Variants in MGAM observed in about 807,000 individuals in gnomAD.
MGAM encodes the protein alpha-1,4-glucosidase.
MGAM carries 253 observed loss-of-function variants against 358.8 expected under a neutral mutation model. That is an observed-to-expected ratio of 0.71 (90% CI 0.64 to 0.78). The LOEUF is 0.78. MGAM is among the 30% of genes least tolerant of loss of function. MGAM has a pLI of 0.00. For missense variants in MGAM, 3,080 were observed against 3,432.6 expected, an observed-to-expected ratio of 0.90 and a Z score of 2.57; for synonymous variants, 1,105 against 1,227.1, an observed-to-expected ratio of 0.90 and a Z score of 2.08.
At chr7:142,057,790 C>T (rs114559395) in intron 30 of MGAM, among the ~76,000 whole-genome samples, 1,543 of 152,158 alleles carry the variant, frequency 0.01, 21 homozygotes, top group African/African-American at 0.035. Context: ...CTCATTCATG[C>T]ATCACAGAAA....
chr7:142,035,777 G>A (rs933151340), intron 16 of MGAM, among the ~76,000 whole-genome samples: 2 of 152,126 alleles, frequency 1.3e-5, no homozygotes, highest in South Asian at 4.1e-4. Flanking sequence ...TAATAGGTGA[G>A]TGACATGGTC....
intron 24 of MGAM, 88 bp from the exon 25 acceptor site, chr7:142,052,206 A>ATTTTTTTT: frequency 9.6e-7 from 1 of 1,042,744 alleles, no homozygotes; most frequent in Non-Finnish European, 1.3e-6. Context: ...TCTAATTTCT[A>ATTTTTTTT]TTTTTTTTTT....
chr7:142,062,770 C>T, intron 35 of MGAM, 68 bp downstream of exon 35: 3 of 1,587,232 alleles, frequency 1.9e-6, no homozygotes, highest in South Asian at 2.3e-5. Context: ...GTATATGTAC[C>T]ACTGACCTTC....
chr7:142,040,717 A>G lies in MGAM; in HGVS notation c.2374-5A>G, dbSNP rs1164308044. 5 of 1,613,030 alleles carry G rather than the reference A, an allele frequency of 3.1e-6. No homozygotes were observed. Among genetic ancestry groups the G allele is most frequent in the Non-Finnish European group, 4.2e-6 (5 of 1,179,426 alleles). On this transcript the variant is annotated splice_region_variant and splice_polypyrimidine_tract_variant and intron_variant, in intron 20 of 70. Transcript: ENST00000475668. ...CAATGTGTTTGATTTATCTGCATGC[A>G]TCAGGGGAGCCAAGTGAGATGGAGG...
At position 142,036,214 on chromosome 7, in the gene MGAM, C is replaced by A; in HGVS notation, c.2005C>A (p.Leu669Ile). The A allele has an allele frequency of 6.2e-7, 1 of 1,612,482 alleles. No individual in the cohort carries two copies. The change falls in exon 17 of 71, where the codon CTC becomes ATC. Residue 669 changes from leucine to isoleucine, a missense_variant. Physicochemically the swap from Leu to Ile is conservative, Grantham distance 5. Around this residue, in one of 5 missense-constraint regions of MGAM, gnomAD observed 1,816 missense variants for 1,840.5 expected, o/e 0.99. Coordinates refer to ENST00000475668, the MANE Select transcript of MGAM (RefSeq NM_001365693.1). ...CTTTGCTTTGGACACCCCTGAGGAGCTCTGTAGGCGGTGGATGCAGTTGGG... is the reference window on the plus strand; with the variant it reads ...CTTTGCTTTGGACACCCCTGAGGAGATCTGTAGGCGGTGGATGCAGTTGGG... Reference protein sequence around the residue: ...CGFALDTPEELCRRWMQLGAF... With the variant: ...CGFALDTPEEICRRWMQLGAF...
chr7:142,061,940 T>A (rs1026973582), intron 34 of MGAM, among the ~76,000 whole-genome samples: 1 of 152,180 alleles, frequency 6.6e-6, no homozygotes, highest in Admixed American at 6.5e-5. Flanking sequence ...TCTTGAATCT[T>A]TCTTTCAGGT....
rs182021288 is a variant in MGAM at position 142,092,700 on chromosome 7, C to G, written c.7033+92C>G. The G allele has an allele frequency of 1.0e-4, 117 of 1,151,886 alleles. 12 individuals carry two copies. Among genetic ancestry groups the G allele is most frequent in the Middle Eastern group, 4.2e-4 (2 of 4,782 alleles). The allele number at this position is 1,151,886 out of a possible 1,614,324, so 71.4% of individuals were successfully genotyped here. On this transcript the variant is annotated intron_variant, in intron 59 of 70. Coordinates refer to ENST00000475668, the MANE Select transcript of MGAM (RefSeq NM_001365693.1). ...CGAGGCCAGGGGTGGCCGCACAGCTCAGGGCACATCCTCATGGCTGCTGTG... is the reference window on the plus strand; with the variant it reads ...CGAGGCCAGGGGTGGCCGCACAGCTGAGGGCACATCCTCATGGCTGCTGTG...
At chr7:142,064,637 A>G in intron 37 of MGAM, 115 bp downstream of exon 37, 2 of 1,364,268 alleles carry the variant, frequency 1.5e-6, no homozygotes, top group Non-Finnish European at 2.0e-6. Context: ...AGATTCTCAT[A>G]ACTCTGTAAT....
intron 3 of MGAM, 124 bp from the exon 4 acceptor site, chr7:142,019,075 G>T: frequency 8.3e-7 from 1 of 1,211,262 alleles, no homozygotes; most frequent in Non-Finnish European, 1.1e-6. Flanking sequence ...TTATCTAAAT[G>T]TCAGTTTCCT....
rs560894835 is a variant in MGAM at position 142,000,839 on chromosome 7, A to G, written c.-2-4690A>G. 7.2e-5 allele frequency among the ~76,000 whole-genome samples: 11 copies of G among 152,320 alleles called. No homozygotes were observed. In the South Asian group the frequency reaches 2.3e-3, roughly 32 times the overall value. On this transcript the variant is annotated intron_variant, in intron 1 of 70. Coordinates refer to ENST00000475668, the MANE Select transcript of MGAM (RefSeq NM_001365693.1). ...TTTTTACCAAGTCTTCATTGAGCAT[A>G]GGGTGTTTATAGTTTGACCAGCAGT...
Position 142,088,719 on chromosome 7 carries a change from TTATGTCTG to T in MGAM, c.6810+2004_6810+2011del. ...CTATCCATCCAGCCACCCTATTCAT[TTATGTCTG>T]TCTGTCTGTCTGTCTGTCTGTCTAT... is the stretch of plus-strand genomic sequence containing the variant. On this transcript the variant is annotated intron_variant, in intron 57 of 70. Coordinates refer to ENST00000475668, the MANE Select transcript of MGAM (RefSeq NM_001365693.1). Among the ~76,000 whole-genome samples, 2 of 123,904 alleles carry T rather than the reference TTATGTCTG, an allele frequency of 1.6e-5. 1 individual carries two copies. Among genetic ancestry groups the T allele is most frequent in the South Asian group, 5.1e-4 (2 of 3,892 alleles). 81.3% of individuals were successfully genotyped at this position (123,904 alleles called of 152,430 possible).
intron 35 of MGAM, among the ~76,000 whole-genome samples, 170 bp downstream of exon 35, chr7:142,062,872 C>T (rs970139435): frequency 5.9e-5 from 9 of 152,170 alleles, no homozygotes; most frequent in African/African-American, 2.2e-4. Flanking sequence ...AGCCCTCACA[C>T]CTTCTACCAG....
chr7:142,079,680 C>G (rs1814071779), intron 49 of MGAM, among the ~76,000 whole-genome samples: 1 of 146,016 alleles, frequency 6.8e-6, no homozygotes, highest in African/African-American at 2.4e-5. Flanking sequence ...AGGAATGTGC[C>G]CTTTCCTCTT....
intron 21 of MGAM, among the ~76,000 whole-genome samples, chr7:142,044,227 TATA>T (rs1434713923): frequency 7.1e-6 from 1 of 140,762 alleles, no homozygotes; most frequent in African/African-American, 2.5e-5. Context: ...ACATACGACA[TATA>T]ATATATACAT....
chr7:142,060,681 A>C (rs1206862959), intron 34 of MGAM, among the ~76,000 whole-genome samples: 1 of 152,264 alleles, frequency 6.6e-6, no homozygotes, highest in Admixed American at 6.5e-5. Context: ...CAAAGGCCCA[A>C]GAAATTCCCA....
At chr7:142,036,449 C>T (rs13245455) in intron 17 of MGAM, among the ~76,000 whole-genome samples, 164 bp downstream of exon 17, 2,290 of 152,252 alleles carry the variant, frequency 0.015, 26 homozygotes, top group Non-Finnish European at 0.024. Context: ...GCTGTATCAT[C>T]GAAATGCCCA....
rs782291424 is a variant in MGAM at position 142,019,275 on chromosome 7, A to G, written c.404A>G (p.Asn135Ser). Residue 135 changes from asparagine (N) to serine (S), a missense_variant, in exon 4 of 71, where the codon AAT becomes AGT. By Grantham distance (46) the Asn-to-Ser change is conservative. This residue lies in a region of MGAM where 1,816 missense variants were observed against 1,840.5 expected (regional missense o/e 0.99). Coordinates refer to ENST00000475668, the MANE Select transcript of MGAM (RefSeq NM_001365693.1). ...VSVPWCYYSK[N>S]HSYHVEGNLV... ...GTTCCCTGGTGCTACTATTCCAAGAATCATAGCTACCATGTAGAGGGCAAC... is the reference window on the plus strand; with the variant it reads ...GTTCCCTGGTGCTACTATTCCAAGAGTCATAGCTACCATGTAGAGGGCAAC... 6.2e-7 allele frequency: 1 copy of G among 1,613,642 alleles called. No individual in the cohort carries two copies. Among genetic ancestry groups the G allele is most frequent in the South Asian group, 1.1e-5 (1 of 91,080 alleles).
Sources: allele counts gnomAD v4.1 joint callset (sites outside exome capture counted in the v4.1 genomes callset), GRCh38; gene constraint gnomAD v4.1.1; regional missense constraint gnomAD v4.1.1; transcripts MANE v1.5; gene names NCBI Gene and HGNC (gene_info 2026-07-23, HGNC 2026-07-21).